HS3ST5: variants seen among roughly 807,000 people sequenced by gnomAD.
HS3ST5 encodes heparan sulfate-glucosamine 3-sulfotransferase 5.
HS3ST5 carries 10 observed loss-of-function variants against 25.4 expected under a neutral mutation model. The observed-to-expected ratio is 0.39, with a 90% CI of 0.24 to 0.67. The LOEUF is 0.67. Among genes scored for constraint, HS3ST5 ranks in the 30% least tolerant of loss-of-function variants. The pLI, the probability that HS3ST5 is intolerant of heterozygous loss-of-function variation, is 0.44. For synonymous variants in HS3ST5, 170 were observed against 162.4 expected, an observed-to-expected ratio of 1.05 and a Z score of -0.36; for missense variants, 324 against 420.7, an observed-to-expected ratio of 0.77 and a Z score of 2.01.
chr6:114,113,111 C>A (rs1776346208), intron 3 of HS3ST5, among the ~76,000 whole-genome samples: 1 of 152,166 alleles, frequency 6.6e-6, no homozygotes, highest in Non-Finnish European at 1.5e-5. Context: ...TGTCTCTACA[C>A]CATAGATGCC....
intron 2 of HS3ST5, among the ~76,000 whole-genome samples, chr6:114,174,917 C>T (rs1562226122): frequency 6.6e-6 from 1 of 152,008 alleles, no homozygotes. Context: ...TGCTTGAACC[C>T]GGGAGGTGGA....
intron 1 of HS3ST5, among the ~76,000 whole-genome samples, chr6:114,315,499 AAGC>A (rs1775711117): frequency 6.6e-6 from 1 of 152,172 alleles, no homozygotes; most frequent in South Asian, 2.1e-4. Context: ...CAGATTTAGT[AAGC>A]AGATTTAGTA....
chr6:114,200,043 A>C (rs1234405508), intron 2 of HS3ST5, among the ~76,000 whole-genome samples: 1 of 152,146 alleles, frequency 6.6e-6, no homozygotes, highest in African/African-American at 2.4e-5. Context: ...CAACATAGTG[A>C]AACCCCATCT....
rs185409440 is a variant in HS3ST5, at chr6:114,341,344, G to A, written c.-339+851C>T. Among the ~76,000 whole-genome samples the A allele has an allele frequency of 2.0e-5, 3 of 152,088 alleles. No individual in the cohort carries two copies. The East Asian group carries it at 5.8e-4, about 30-fold the overall frequency. Reference sequence around the variant, plus strand: ...GTGGGTGCCCTGAAGCACTGAAGTAGGGAAGCGGAAGAGTAGAGGAAACCC... The same window carrying A: ...GTGGGTGCCCTGAAGCACTGAAGTAAGGAAGCGGAAGAGTAGAGGAAACCC... On this transcript the variant is annotated intron_variant, in intron 1 of 4. Coordinates refer to ENST00000312719, the MANE Select transcript of HS3ST5 (RefSeq NM_153612.4).
chr6:114,137,435 T>C lies in HS3ST5; in HGVS notation c.-33+30916A>G, dbSNP rs182743388. 2.0e-3 allele frequency among the ~76,000 whole-genome samples: 305 copies of C among 152,336 alleles called. 2 individuals are homozygous for C. Among genetic ancestry groups the C allele is most frequent in the African/African-American group, 7.1e-3 (294 of 41,582 alleles). On this transcript the variant is annotated intron_variant, in intron 3 of 4. Transcript: ENST00000312719. Reference sequence around the variant, plus strand: ...AGGTGAAAAATATTTAGTATATCATTGCTTGGGTGCCAAGAACTGGGTTTT... The same window carrying C: ...AGGTGAAAAATATTTAGTATATCATCGCTTGGGTGCCAAGAACTGGGTTTT...
At chr6:114,101,563 G>A (rs983932941) in intron 3 of HS3ST5, among the ~76,000 whole-genome samples, 7 of 152,192 alleles carry the variant, frequency 4.6e-5, no homozygotes, top group African/African-American at 1.7e-4. Flanking sequence ...ATGCTAGTGA[G>A]GCTGCAGAGA....
At chr6:114,329,168 T>C (rs1435835746) in intron 1 of HS3ST5, among the ~76,000 whole-genome samples, 1 of 152,132 alleles carries the variant, frequency 6.6e-6, no homozygotes, top group Non-Finnish European at 1.5e-5. Flanking sequence ...TGCTGGCAAA[T>C]TTGATTACAC....
chr6:114,317,196 TA>T (rs942529975), intron 1 of HS3ST5, among the ~76,000 whole-genome samples: 7 of 152,308 alleles, frequency 4.6e-5, no homozygotes, highest in Admixed American at 4.6e-4. Flanking sequence ...AACGTCCCCC[TA>T]AAAGCTAAGT....
At chr6:114,212,957 A>G (rs1375435989) in intron 2 of HS3ST5, among the ~76,000 whole-genome samples, 1 of 152,152 alleles carries the variant, frequency 6.6e-6, no homozygotes, top group African/African-American at 2.4e-5. Flanking sequence ...AAATGGCTTA[A>G]GTGTTTAACA....
At chr6:114,188,112 A>G (rs1780313707) in intron 2 of HS3ST5, among the ~76,000 whole-genome samples, 1 of 152,182 alleles carries the variant, frequency 6.6e-6, no homozygotes. Flanking sequence ...CAGAACCTGC[A>G]ATATCTCCGA....
chr6:114,166,690 T>C (rs939514745), intron 3 of HS3ST5, among the ~76,000 whole-genome samples: 2 of 152,192 alleles, frequency 1.3e-5, no homozygotes, highest in Non-Finnish European at 2.9e-5. Flanking sequence ...TCGATGTTTC[T>C]GCTGTGTTTC....
intron 3 of HS3ST5, among the ~76,000 whole-genome samples, chr6:114,100,407 C>T (rs1775663119): frequency 6.6e-6 from 1 of 152,134 alleles, no homozygotes; most frequent in Admixed American, 6.5e-5. Context: ...AGTAGTATGG[C>T]TAGCAGTATT....
intron 1 of HS3ST5, among the ~76,000 whole-genome samples, chr6:114,278,130 A>C (rs534076282): frequency 6.6e-6 from 1 of 152,114 alleles, no homozygotes; most frequent in South Asian, 2.1e-4. Flanking sequence ...ATGAGGGAGG[A>C]AACCCAAAAG....
intron 2 of HS3ST5, among the ~76,000 whole-genome samples, chr6:114,228,373 C>A (rs1454406755): frequency 6.6e-6 from 1 of 152,068 alleles, no homozygotes; most frequent in East Asian, 1.9e-4. Context: ...CTCTGCCCTT[C>A]TTGTATTTAC....
intron 3 of HS3ST5, among the ~76,000 whole-genome samples, chr6:114,124,854 C>T (rs1776966185): frequency 6.6e-6 from 1 of 152,078 alleles, no homozygotes; most frequent in Admixed American, 6.6e-5. Flanking sequence ...CAGAAAACTG[C>T]TTGATGGTAA....
chr6:114,322,601 T>C (rs1236622005), intron 1 of HS3ST5, among the ~76,000 whole-genome samples: 4 of 152,104 alleles, frequency 2.6e-5, no homozygotes, highest in Non-Finnish European at 4.4e-5. Context: ...AAGTAATAAA[T>C]GTGAAGAAAC....
At chr6:114,233,726 A>G (rs1771719864) in intron 1 of HS3ST5, among the ~76,000 whole-genome samples, 1 of 152,232 alleles carries the variant, frequency 6.6e-6, no homozygotes, top group African/African-American at 2.4e-5. Flanking sequence ...TTTGAGTTAG[A>G]GACTGATTAT....
intron 3 of HS3ST5, 91 bp downstream of exon 3, chr6:114,168,260 G>C (rs1019781603): frequency 6.6e-6 from 1 of 152,210 alleles, no homozygotes; most frequent in Non-Finnish European, 1.5e-5. Flanking sequence ...GTGGCTGTGA[G>C]TGATGAGATG....
chr6:114,326,656 T>G (rs1208210092), intron 1 of HS3ST5, among the ~76,000 whole-genome samples: 2 of 152,164 alleles, frequency 1.3e-5, no homozygotes, highest in Non-Finnish European at 2.9e-5. Context: ...TAATACTTCT[T>G]TTTAGTCAAT....
Sources: allele counts gnomAD v4.1 joint callset (sites outside exome capture counted in the v4.1 genomes callset), GRCh38; gene constraint gnomAD v4.1.1; transcripts MANE v1.5; gene names NCBI Gene and HGNC (gene_info 2026-07-23, HGNC 2026-07-21).